Variants in CBFA2T2 observed in about 807,000 individuals in gnomAD.
CBFA2T2 encodes CBFA2/RUNX1 partner transcriptional co-repressor 2, also known as protein CBFA2T2.
Under a neutral mutation model 62.2 loss-of-function variants are expected in CBFA2T2, and 11 were observed. The ratio of observed to expected loss-of-function variants is 0.18; its 90% CI spans 0.11 to 0.29. The LOEUF is 0.29. Among genes scored for constraint, CBFA2T2 ranks in the 10% least tolerant of loss-of-function variants. The pLI is 1.00. For missense variants in CBFA2T2, 592 were observed against 774.1 expected (o/e 0.76, Z 2.79); for synonymous variants, 295 against 287.5 (o/e 1.03, Z -0.27).
chr20:33,629,554 G>T (rs986305981), intron 7 of CBFA2T2, among the ~76,000 whole-genome samples, 165 bp from the exon 8 acceptor site: 1 of 152,240 alleles, frequency 6.6e-6, no homozygotes, highest in South Asian at 2.1e-4. Flanking sequence ...GTCCTTCCTA[G>T]CTGATGGAGA....
chr20:33,579,105 GT>G (rs1299627561), intron 1 of CBFA2T2, among the ~76,000 whole-genome samples: 4 of 140,126 alleles, frequency 2.9e-5, no homozygotes, highest in Non-Finnish European at 1.5e-5. Flanking sequence ...TTTTTTGGGG[GT>G]TTTTTTTTGT....
chr20:33,574,347 C>G (rs2013720167), intron 1 of CBFA2T2: 2 of 1,343,782 alleles, frequency 1.5e-6, no homozygotes, highest in Admixed American at 3.7e-5. Context: ...CTTTAAAGGC[C>G]AGGCATGGTG....
intron 1 of CBFA2T2, among the ~76,000 whole-genome samples, chr20:33,583,414 T>C (rs949142944): frequency 2.0e-5 from 3 of 152,378 alleles, no homozygotes; most frequent in Non-Finnish European, 2.9e-5. Flanking sequence ...TATATGACTT[T>C]ATAGTTTAAA....
Position 33,551,305 on chromosome 20 carries a change from C to T in CBFA2T2, c.35-55651C>T, listed in dbSNP as rs112023046. 2.8e-3 allele frequency among the ~76,000 whole-genome samples: 422 copies of T among 151,960 alleles called. 2 individuals are homozygous for T. Among genetic ancestry groups the T allele is most frequent in the Middle Eastern group, 0.017 (5 of 294 alleles). ...AATCTCGGCTCACTGCAACCTCAGC[C>T]TCCTGGGTTCAAGTGATTCTCCTGC... is the stretch of plus-strand genomic sequence containing the variant. On this transcript the variant is annotated intron_variant, in intron 1 of 10. Transcript: ENST00000342704.
At chr20:33,634,670 CAAAAA>C (rs758089440) in intron 8 of CBFA2T2, among the ~76,000 whole-genome samples, 229 of 47,912 alleles carry the variant, frequency 4.8e-3, no homozygotes, top group East Asian at 0.018. Flanking sequence ...ACCCTATGTC[CAAAAA>C]AAAAAAAAAA....
At chr20:33,542,613 C>T in intron 1 of CBFA2T2, among the ~76,000 whole-genome samples, 1 of 152,056 alleles carries the variant, frequency 6.6e-6, no homozygotes, top group East Asian at 1.9e-4. Context: ...ATAAACTCTA[C>T]AGAAATTGCT....
chr20:33,591,478 A>G (rs1212165333), intron 1 of CBFA2T2, among the ~76,000 whole-genome samples: 1 of 134,166 alleles, frequency 7.5e-6, no homozygotes, highest in Admixed American at 9.2e-5. Flanking sequence ...AAAAAAAAAA[A>G]AAAAAAAGAA....
At chr20:33,502,429 C>T (rs1471064611) in intron 1 of CBFA2T2, among the ~76,000 whole-genome samples, 2 of 150,770 alleles carry the variant, frequency 1.3e-5, no homozygotes, top group East Asian at 2.0e-4. Context: ...GTGTGTGTGA[C>T]GGAGTCTCGC....
chr20:33,599,618 T>C (rs2015036496), intron 1 of CBFA2T2, among the ~76,000 whole-genome samples: 1 of 151,240 alleles, frequency 6.6e-6, no homozygotes, highest in South Asian at 2.1e-4. Flanking sequence ...GGAGCCTTAC[T>C]CTGTTGCCCA....
intron 3 of CBFA2T2, among the ~76,000 whole-genome samples, chr20:33,613,985 T>TC (rs879467476): frequency 2.0e-5 from 3 of 151,818 alleles, no homozygotes; most frequent in Admixed American, 6.6e-5. Context: ...GAGATCGAGA[T>TC]CATCCTGGCT....
At chr20:33,561,320 C>G (rs747519929) in intron 1 of CBFA2T2, among the ~76,000 whole-genome samples, 1 of 152,132 alleles carries the variant, frequency 6.6e-6, no homozygotes, top group Non-Finnish European at 1.5e-5. Context: ...AGCGACCTGA[C>G]CACCTTGGCC....
chr20:33,510,254 AGACT>A (rs1269950118), intron 1 of CBFA2T2, among the ~76,000 whole-genome samples: 2 of 145,704 alleles, frequency 1.4e-5, no homozygotes, highest in African/African-American at 2.6e-5. Context: ...TCTGTCGCCC[AGACT>A]GGAGTGCAGT....
In CBFA2T2 at chr20:33,619,713, T is replaced by A. The variant is rs1310040202; in HGVS notation, c.510+107T>A. 4 of 746,178 alleles carry A rather than the reference T, an allele frequency of 5.4e-6. No homozygotes were observed. In the Admixed American group the frequency reaches 1.2e-4, roughly 22 times the overall value. 46.2% of individuals were successfully genotyped at this position (746,178 alleles called of 1,614,324 possible). On this transcript the variant is annotated intron_variant, in intron 4 of 10. Coordinates refer to ENST00000342704, the MANE Select transcript of CBFA2T2 (RefSeq NM_001032999.3). ...AGCCGCTTGCCACGTTTTTAGATCT[T>A]TATTTTGGGCTGGTAGAGAGGTCTG...
intron 1 of CBFA2T2, among the ~76,000 whole-genome samples, chr20:33,581,357 A>G (rs1601003836): frequency 6.6e-6 from 1 of 152,094 alleles, no homozygotes; most frequent in African/African-American, 2.4e-5. Context: ...AGGCCCAGCC[A>G]TGTCTGTCAT....
chr20:33,539,000 T>C lies in CBFA2T2; in HGVS notation c.34+48699T>C, dbSNP rs142949261. 2.8e-4 allele frequency among the ~76,000 whole-genome samples: 42 copies of C among 152,358 alleles called. No homozygotes were observed. The East Asian group carries it at 8.1e-3, about 29-fold the overall frequency. Reference sequence around the variant, plus strand: ...TTCCAACTTATTTATTCCTCCACATTGGGATCAAATATTTCTTCCTGTCAA... The same window carrying C: ...TTCCAACTTATTTATTCCTCCACATCGGGATCAAATATTTCTTCCTGTCAA... On this transcript the variant is annotated intron_variant, in intron 1 of 10. Coordinates refer to ENST00000342704, the MANE Select transcript of CBFA2T2 (RefSeq NM_001032999.3).
chr20:33,632,288 C>T (rs1253565685), intron 8 of CBFA2T2, among the ~76,000 whole-genome samples: 3 of 152,142 alleles, frequency 2.0e-5, no homozygotes, highest in African/African-American at 7.2e-5. Context: ...GTATGATCCA[C>T]CCACCTTGGC....
At position 33,648,194 on chromosome 20, in the gene CBFA2T2, A is replaced by C. The variant is rs1568882790; in HGVS notation, c.*3548A>C. 1 of 152,286 alleles carries C rather than the reference A, an allele frequency of 6.6e-6. No individual in the cohort carries two copies. Among genetic ancestry groups the C allele is most frequent in the Non-Finnish European group, 1.5e-5 (1 of 68,080 alleles). 9.4% of individuals were successfully genotyped at this position (152,286 alleles called of 1,614,324 possible). ...CAAAGAGGAGCTGGCATGGTGGTACAGAAGGTATCAGTCAAGCGCAGGCTC... is the reference window on the plus strand; with the variant it reads ...CAAAGAGGAGCTGGCATGGTGGTACCGAAGGTATCAGTCAAGCGCAGGCTC... On this transcript the variant is annotated 3_prime_UTR_variant, in exon 11 of 11. Coordinates refer to ENST00000342704, the MANE Select transcript of CBFA2T2 (RefSeq NM_001032999.3).
chr20:33,505,807 G>C (rs971469578), intron 1 of CBFA2T2, among the ~76,000 whole-genome samples: 2 of 151,766 alleles, frequency 1.3e-5, no homozygotes, highest in African/African-American at 4.8e-5. Context: ...AGAAATGGAA[G>C]GGGTCAGGTG....
At chr20:33,586,576 T>C (rs78796629) in intron 1 of CBFA2T2, among the ~76,000 whole-genome samples, 2,023 of 152,338 alleles carry the variant, frequency 0.013, 43 homozygotes, top group African/African-American at 0.046. Flanking sequence ...ATTTATATTC[T>C]ATAGCAGATT....
Sources: allele counts gnomAD v4.1 joint callset (sites outside exome capture counted in the v4.1 genomes callset), GRCh38; gene constraint gnomAD v4.1.1; transcripts MANE v1.5; gene names NCBI Gene and HGNC (gene_info 2026-07-23, HGNC 2026-07-21).